The following EDEM2 variants were observed in gnomAD, a reference collection of about 807,000 sequenced individuals.
EDEM2 encodes ER degradation-enhancing alpha-mannosidase-like protein 2.
In EDEM2, 39 loss-of-function variants were observed where a neutral mutation model predicts 64.8. That is an observed-to-expected ratio of 0.60 (90% confidence interval 0.47 to 0.79). The LOEUF is 0.79. Ranked by LOEUF, EDEM2 falls within the 30% of genes least tolerant of loss-of-function variation. The pLI, the probability that EDEM2 is intolerant of heterozygous loss-of-function variation, is 0.00. For synonymous variants in EDEM2, 296 were observed against 291.5 expected (o/e 1.02, Z -0.16); for missense variants, 609 against 731.3 (o/e 0.83, Z 1.93).
rs762366693 is a variant in EDEM2 at position 35,115,750 on chromosome 20, T to TG, written c.1419dup (p.Asn474GlnfsTer48). ...GGGTCGATGGGGTGAGCTTCTGTGT[T>TG]GAAGATGTACCCCCCAGCCCCCAGG... On this transcript the variant is annotated frameshift_variant, in exon 11 of 11. Coordinates refer to ENST00000374492, the MANE Select transcript of EDEM2 (RefSeq NM_018217.3). LOFTEE classifies it high-confidence loss of function. 1.2e-6 allele frequency: 2 copies of TG among 1,614,154 alleles called. No homozygotes were observed. The highest frequency in any genetic ancestry group is 1.7e-6 in the Non-Finnish European group (2 of 1,180,020).
At chr20:35,127,035 A>C (rs937567746) in intron 7 of EDEM2, among the ~76,000 whole-genome samples, 4 of 152,188 alleles carry the variant, frequency 2.6e-5, no homozygotes, top group African/African-American at 9.7e-5. Flanking sequence ...AGATAATTGA[A>C]TCATGGGGGC....
intron 4 of EDEM2, 57 bp from the exon 5 acceptor site, chr20:35,138,062 A>G (rs376452584): frequency 1.3e-6 from 2 of 1,599,778 alleles, no homozygotes; most frequent in South Asian, 2.2e-5. Context: ...CAAGGGATCA[A>G]GGATCTTTCC....
At chr20:35,132,683 T>C in intron 6 of EDEM2, among the ~76,000 whole-genome samples, 1 of 152,250 alleles carries the variant, frequency 6.6e-6, no homozygotes, top group South Asian at 2.1e-4. Context: ...CGTATTTTTC[T>C]ATTTTATTGT....
intron 10 of EDEM2, among the ~76,000 whole-genome samples, chr20:35,118,223 T>C (rs1455657451): frequency 6.6e-6 from 1 of 152,170 alleles, no homozygotes; most frequent in Non-Finnish European, 1.5e-5. Context: ...CAGGTTTGAA[T>C]ATAGGGCTAT....
chr20:35,121,113 T>G (rs2085363518), intron 9 of EDEM2, among the ~76,000 whole-genome samples: 1 of 152,242 alleles, frequency 6.6e-6, no homozygotes, highest in Non-Finnish European at 1.5e-5. Context: ...GAGATGGTTT[T>G]GGGATAATTC....
At chr20:35,139,628 C>A (rs7353271) in intron 4 of EDEM2, among the ~76,000 whole-genome samples, 1 of 143,206 alleles carries the variant, frequency 7.0e-6, no homozygotes, top group Non-Finnish European at 1.5e-5. Context: ...CCAGCCTGGG[C>A]GACAGAGCGA....
At chr20:35,142,851 C>T (rs1452276918) in intron 3 of EDEM2, among the ~76,000 whole-genome samples, 6 of 152,026 alleles carry the variant, frequency 3.9e-5, no homozygotes, top group South Asian at 2.1e-4. Context: ...CTTCAAACTC[C>T]GCCTCCTGGG....
intron 6 of EDEM2, 72 bp downstream of exon 6, chr20:35,134,666 C>T: frequency 6.4e-7 from 1 of 1,560,194 alleles, no homozygotes; most frequent in Non-Finnish European, 8.7e-7. Context: ...CTTGGCTTGA[C>T]TGCAACTTAT....
At chr20:35,138,533 T>C (rs1367102287) in intron 4 of EDEM2, among the ~76,000 whole-genome samples, 1 of 152,182 alleles carries the variant, frequency 6.6e-6, no homozygotes, top group African/African-American at 2.4e-5. Flanking sequence ...GTTATTACCT[T>C]TATTTTACTA....
In EDEM2 at chr20:35,131,732, C is replaced by T; in HGVS notation, c.754G>A (p.Gly252Ser). The T allele has an allele frequency of 1.2e-6, 2 of 1,614,186 alleles. No homozygotes were observed. Among genetic ancestry groups the T allele is most frequent in the Non-Finnish European group, 8.5e-7 (1 of 1,180,020 alleles). Residue 252 changes from glycine to serine, a missense_variant, in exon 7 of 11, where the codon GGC becomes AGC. By Grantham distance (56) the Gly-to-Ser change is moderately conservative. Coordinates refer to ENST00000374492, the MANE Select transcript of EDEM2 (RefSeq NM_018217.3). Reference sequence around the variant, plus strand: ...TAGGAGTCCACGCCAGCCCCGATGCCTGCGTCCTGGGCCACCCACTTGCCA... The same window carrying T: ...TAGGAGTCCACGCCAGCCCCGATGCTTGCGTCCTGGGCCACCCACTTGCCA... ...LTGKWVAQDAGIGAGVDSYFE... is the reference protein window; with the variant it reads ...LTGKWVAQDASIGAGVDSYFE...
intron 9 of EDEM2, among the ~76,000 whole-genome samples, chr20:35,121,914 T>C (rs1054794955): frequency 2.0e-5 from 3 of 152,014 alleles, no homozygotes; most frequent in Non-Finnish European, 2.9e-5. Flanking sequence ...CCCAGGTAGC[T>C]GGGATGGGAC....
At chr20:35,142,284 G>C (rs2085665502) in intron 4 of EDEM2, 89 bp downstream of exon 4, 1 of 1,076,254 alleles carries the variant, frequency 9.3e-7, no homozygotes, top group South Asian at 1.4e-5. Flanking sequence ...GGCATGGTCA[G>C]TCCTTAAAAT....
chr20:35,122,563 G>A (rs2085382454), intron 9 of EDEM2, among the ~76,000 whole-genome samples: 1 of 151,834 alleles, frequency 6.6e-6, no homozygotes, highest in African/African-American at 2.4e-5. Flanking sequence ...TAGTAGAGAT[G>A]GGGTTTCACC....
At chr20:35,118,428 T>G (rs1367434191) in intron 10 of EDEM2, 170 bp downstream of exon 10, 2 of 978,506 alleles carry the variant, frequency 2.0e-6, no homozygotes, top group Admixed American at 4.3e-5. Context: ...GCAAGGCACT[T>G]AGCTTCTCTG....
intron 9 of EDEM2, among the ~76,000 whole-genome samples, chr20:35,121,781 C>T (rs1171856385): frequency 7.1e-6 from 1 of 141,526 alleles, no homozygotes; most frequent in Non-Finnish European, 1.5e-5. Context: ...TCCTGGATTC[C>T]TGACAGCGGT....
At chr20:35,116,629 T>C (rs980043116) in intron 10 of EDEM2, among the ~76,000 whole-genome samples, 1 of 152,174 alleles carries the variant, frequency 6.6e-6, no homozygotes, top group Non-Finnish European at 1.5e-5. Context: ...CCGCTAACCT[T>C]GCTCTATGAC....
Position 35,115,813 on chromosome 20 carries a change from T to G in EDEM2, c.1357A>C (p.Thr453Pro). ...TAGGGGGTGATCACCGCGTCGAAGG[T>G]GGACCCATTGTTGTGGATGAAGTTG... Reference protein sequence around the residue: ...PTNFIHNNGSTFDAVITPYGE... With the variant: ...PTNFIHNNGSPFDAVITPYGE... The change falls in exon 11 of 11, where the codon ACC becomes CCC. Residue 453 changes from threonine to proline, a missense_variant. Coordinates refer to ENST00000374492, the MANE Select transcript of EDEM2 (RefSeq NM_018217.3). 1 of 1,613,480 alleles carries G rather than the reference T, an allele frequency of 6.2e-7. No individual in the cohort carries two copies. Among genetic ancestry groups the G allele is most frequent in the Non-Finnish European group, 8.5e-7 (1 of 1,180,034 alleles).
chr20:35,134,158 G>A (rs1271183401), intron 6 of EDEM2: 1 of 455,824 alleles, frequency 2.2e-6, no homozygotes, highest in Non-Finnish European at 4.4e-6. Context: ...TAATAGTACT[G>A]GAAGATAAAG....
Position 35,126,323 on chromosome 20 carries a change from C to G in EDEM2, c.897G>C (p.Trp299Cys). The G allele has an allele frequency of 8.7e-6, 14 of 1,614,082 alleles. No homozygotes were observed. The highest frequency in any genetic ancestry group is 1.1e-5 in the Non-Finnish European group (13 of 1,180,022). The change falls in exon 8 of 11, where the codon TGG (tryptophan) becomes TGC (cysteine). Residue 299 changes from tryptophan (W) to cysteine (C), a missense_variant. By Grantham distance (215) the Trp-to-Cys change is radical. Transcript: ENST00000374492. ...ACACAGTCCCCTTGTACATCTGAAC[C>G]CACAGGTACCAGTCATCGAAGCGGG... ...NYTRFDDWYL[W>C]VQMYKGTVSM...
Sources: allele counts gnomAD v4.1 joint callset (sites outside exome capture counted in the v4.1 genomes callset), GRCh38; gene constraint gnomAD v4.1.1; transcripts MANE v1.5; gene names NCBI Gene and HGNC (gene_info 2026-07-23, HGNC 2026-07-21).